The following CACNA1A variants were observed in gnomAD, a reference collection of about 807,000 sequenced individuals.
The protein encoded by CACNA1A is calcium voltage-gated channel subunit alpha1 A.
In CACNA1A, 57 loss-of-function variants were observed where a neutral mutation model predicts 262.4. The observed-to-expected ratio is 0.22, with a 90% confidence interval of 0.18 to 0.27. The LOEUF (loss-of-function observed/expected upper bound fraction) is 0.27, where lower values mean the gene tolerates loss of function less well. Ranked by LOEUF, CACNA1A falls within the 10% of genes least tolerant of loss-of-function variation. The probability of loss-of-function intolerance (pLI) is 1.00; values close to 1 mark genes in which losing one functional copy is unlikely to be tolerated. For synonymous variants in CACNA1A, 1,431 were observed against 1,419.3 expected, an observed-to-expected ratio of 1.01 and a Z score of -0.18; for missense variants, 2,526 against 3,562.8, an observed-to-expected ratio of 0.71 and a Z score of 7.41.
intron 3 of CACNA1A, among the ~76,000 whole-genome samples, chr19:13,380,733 GT>G (rs1322052248): frequency 1.3e-4 from 9 of 70,572 alleles, no homozygotes; most frequent in Non-Finnish European, 2.3e-4. Flanking sequence ...TCATTTATTG[GT>G]TTGTTTGTTT....
At chr19:13,443,902 T>C (rs1364506561) in intron 3 of CACNA1A, among the ~76,000 whole-genome samples, 1 of 152,170 alleles carries the variant, frequency 6.6e-6, no homozygotes, top group Non-Finnish European at 1.5e-5. Context: ...GATTCATCTG[T>C]ACAAAGGCTA....
At chr19:13,296,736 C>T (rs1399932723) in intron 19 of CACNA1A, among the ~76,000 whole-genome samples, 1 of 151,588 alleles carries the variant, frequency 6.6e-6, no homozygotes. Flanking sequence ...TCTAACGGCC[C>T]AAAGTGCCTT....
chr19:13,312,744 G>A lies in CACNA1A; in HGVS notation c.1593C>T (p.Ser531=), dbSNP rs372090886. 7.2e-5 allele frequency: 115 copies of A among 1,590,546 alleles called. No homozygotes were observed. The highest frequency in any genetic ancestry group is 9.1e-5 in the Non-Finnish European group (106 of 1,170,216). The part of the protein sequence containing the change: ...AEFIFLGLFM[S]EMFIKMYGLG... ...GCCCGTACATTTTTATAAACATTTC[G>A]GACATAAAGAGTCCTAAGAAAATGA... The change falls in exon 12 of 47, where the codon TCC becomes TCT. Residue 531 remains serine, a synonymous_variant. Transcript: ENST00000360228.
intron 1 of CACNA1A, among the ~76,000 whole-genome samples, chr19:13,503,771 G>A (rs1435419713): frequency 6.6e-6 from 1 of 151,802 alleles, no homozygotes; most frequent in Non-Finnish European, 1.5e-5. Flanking sequence ...GTTACCTCGG[G>A]TCAAAGAGAA....
intron 3 of CACNA1A, among the ~76,000 whole-genome samples, chr19:13,388,790 G>A (rs778351937): frequency 1.6e-4 from 24 of 152,172 alleles, no homozygotes; most frequent in Non-Finnish European, 2.6e-4. Context: ...GTGCATTCTC[G>A]CAAAAACACG....
intron 3 of CACNA1A, among the ~76,000 whole-genome samples, chr19:13,416,171 G>A (rs987841159): frequency 9.2e-5 from 14 of 152,206 alleles, no homozygotes; most frequent in African/African-American, 3.4e-4. Flanking sequence ...CACAATCACA[G>A]CTCACTGCAG....
intron 3 of CACNA1A, among the ~76,000 whole-genome samples, chr19:13,443,779 C>T (rs76044809): frequency 0.011 from 1,706 of 152,222 alleles, 12 homozygotes; most frequent in Non-Finnish European, 0.018. Context: ...TTAACACAGG[C>T]CCAGTATTAT....
intron 3 of CACNA1A, among the ~76,000 whole-genome samples, chr19:13,428,874 G>A (rs1287851946): frequency 6.6e-6 from 1 of 152,014 alleles, no homozygotes; most frequent in East Asian, 1.9e-4. Context: ...AATAGAAGCA[G>A]TTCAATGCCT....
intron 3 of CACNA1A, among the ~76,000 whole-genome samples, chr19:13,414,277 G>C (rs1287730906): frequency 6.6e-6 from 1 of 151,810 alleles, no homozygotes; most frequent in African/African-American, 2.4e-5. Context: ...GCATGCCTGT[G>C]GTCCCAGCTA....
rs560826715 is a variant in CACNA1A at position 13,355,017 on chromosome 19, G to A, written c.978+4589C>T. On this transcript the variant is annotated intron_variant, in intron 6 of 46. Transcript: ENST00000360228. ...AGCCTCCCAAGTGGCTGGGATTACA[G>A]GCACCCGCCCACCACGCCTGGCTAA... Among the ~76,000 whole-genome samples the A allele has an allele frequency of 3.4e-4, 52 of 152,132 alleles. No homozygotes were observed. The South Asian group carries it at 7.3e-3, about 21-fold the overall frequency.
chr19:13,246,967 G>A (rs1200159542), intron 30 of CACNA1A, among the ~76,000 whole-genome samples: 1 of 152,174 alleles, frequency 6.6e-6, no homozygotes, highest in Non-Finnish European at 1.5e-5. Context: ...ATTGTTTGGA[G>A]AACAGTCACA....
At chr19:13,263,020 C>T in intron 24 of CACNA1A, 187 bp from the exon 25 acceptor site, 1 of 588,734 alleles carries the variant, frequency 1.7e-6, no homozygotes. Flanking sequence ...GGCTCGGGAG[C>T]CAGTAAGTAC....
intron 1 of CACNA1A, among the ~76,000 whole-genome samples, chr19:13,499,870 G>A (rs1872053048): frequency 6.6e-6 from 1 of 152,024 alleles, no homozygotes; most frequent in Non-Finnish European, 1.5e-5. Flanking sequence ...ACGGCTCTTA[G>A]GCTCTGATCA....
At chr19:13,504,730 C>G (rs1341913568) in intron 1 of CACNA1A, among the ~76,000 whole-genome samples, 1 of 152,206 alleles carries the variant, frequency 6.6e-6, no homozygotes, top group Non-Finnish European at 1.5e-5. Flanking sequence ...AGTGGCCAGC[C>G]AGCCTGGGCA....
At position 13,240,149 on chromosome 19, in the gene CACNA1A, T is replaced by TA. The variant is rs60352550; in HGVS notation, c.4951-4420dup. ...CTGGGTGACAGAGCGAGACTCTGTC[T>TA]AAAAAAAAAAAAAAAAAAGAGCGAG... On this transcript the variant is annotated intron_variant, in intron 31 of 46. Transcript: ENST00000360228. Among the ~76,000 whole-genome samples the TA allele has an allele frequency of 1.9e-3, 230 of 119,732 alleles. 2 individuals carry two copies. Among genetic ancestry groups the TA allele is most frequent in the African/African-American group, 3.9e-3 (125 of 32,466 alleles). 78.5% of individuals were successfully genotyped at this position (119,732 alleles called of 152,430 possible).
chr19:13,446,420 T>C (rs1243102422), intron 3 of CACNA1A, among the ~76,000 whole-genome samples: 1 of 149,924 alleles, frequency 6.7e-6, no homozygotes, highest in African/African-American at 2.5e-5. Context: ...TGTGTGTGTG[T>C]GTGCGCGCGT....
intron 3 of CACNA1A, among the ~76,000 whole-genome samples, chr19:13,423,819 G>C (rs2060355954): frequency 6.6e-6 from 1 of 152,068 alleles, no homozygotes; most frequent in Non-Finnish European, 1.5e-5. Context: ...CTGGCCAAGA[G>C]TTTTCTTCTA....
intron 3 of CACNA1A, among the ~76,000 whole-genome samples, chr19:13,438,101 T>C (rs1355086660): frequency 1.4e-5 from 2 of 147,888 alleles, no homozygotes; most frequent in African/African-American, 5.2e-5. Flanking sequence ...CAGCAGAGTT[T>C]TTGCTGACAT....
intron 1 of CACNA1A, 25 bp from the exon 2 acceptor site, chr19:13,455,237 T>G (rs1364291389): frequency 6.8e-7 from 1 of 1,472,802 alleles, no homozygotes; most frequent in Admixed American, 1.7e-5. Flanking sequence ...AGGAAAAATC[T>G]TGTTCAAAGA....
Sources: gnomAD v4.1 joint callset for allele counts (sites outside exome capture counted in the v4.1 genomes callset) on GRCh38, gnomAD v4.1.1 for gene constraint, MANE v1.5 for transcripts, NCBI Gene and HGNC (gene_info 2026-07-23, HGNC 2026-07-21) for gene names.